The following GDNF variants were observed in gnomAD, a reference collection of about 807,000 sequenced individuals.
GDNF encodes the protein glial cell line-derived neurotrophic factor.
Under a neutral mutation model 13.7 loss-of-function variants are expected in GDNF, and 5 were observed. The observed-to-expected ratio is 0.36, with a 90% CI of 0.19 to 0.77. GDNF has a LOEUF of 0.77. GDNF is among the 30% of genes least tolerant of loss of function. The pLI is 0.51. For synonymous variants in GDNF, 122 were observed against 112.5 expected (o/e 1.08, Z -0.53); for missense variants, 246 against 274.3 (o/e 0.90, Z 0.73).
chr5:37,830,959 G>C (rs1346790983), intron 2 of GDNF, among the ~76,000 whole-genome samples: 4 of 152,282 alleles, frequency 2.6e-5, no homozygotes, highest in African/African-American at 9.6e-5. Context: ...GTGCCCCCCA[G>C]GGCAGAGACT....
At chr5:37,817,976 C>T (rs1749991441) in intron 2 of GDNF, among the ~76,000 whole-genome samples, 1 of 152,252 alleles carries the variant, frequency 6.6e-6, no homozygotes, top group African/African-American at 2.4e-5. Context: ...AAAGGCCCTA[C>T]CTGACCTGGC....
chr5:37,834,562 T>C (rs1750628557), intron 2 of GDNF, 84 bp downstream of exon 2: 3 of 1,235,912 alleles, frequency 2.4e-6, no homozygotes, highest in Non-Finnish European at 3.3e-6. Context: ...TCAGGCTGGC[T>C]TGGGGTACGT....
At chr5:37,836,368 C>G (rs952220190) in intron 1 of GDNF, among the ~76,000 whole-genome samples, 7 of 152,218 alleles carry the variant, frequency 4.6e-5, no homozygotes, top group East Asian at 1.9e-4. Context: ...CCCGGGGAAG[C>G]CTTTAATTCG....
chr5:37,816,057 C>G lies in GDNF; in HGVS notation c.230G>C (p.Arg77Thr). Residue 77 changes from arginine (R) to threonine (T), a missense_variant, in exon 3 of 3, where the codon AGG becomes ACG. By Grantham distance (71) the Arg-to-Thr change is moderately conservative (BLOSUM62 -1). Coordinates refer to ENST00000326524, the MANE Select transcript of GDNF (RefSeq NM_000514.4). ...CACTGCCATTTGTTTATCTGGTGAC[C>G]TTTTCAGTCTTTTAATGGTGGCTTG... ...FIQATIKRLK[R>T]SPDKQMAVLP... is the part of the protein sequence containing the mutation. 6.2e-7 allele frequency: 1 copy of G among 1,613,548 alleles called. No individual in the cohort carries two copies. Among genetic ancestry groups the G allele is most frequent in the South Asian group, 1.1e-5 (1 of 91,058 alleles).
At chr5:37,832,105 G>T (rs1344921498) in intron 2 of GDNF, among the ~76,000 whole-genome samples, 1 of 152,226 alleles carries the variant, frequency 6.6e-6, no homozygotes, top group Non-Finnish European at 1.5e-5. Context: ...AAAGGTGAGT[G>T]TGCAAACTGT....
rs34626556 is a variant in GDNF at position 37,817,604 on chromosome 5, AGT to A, written c.152-1471_152-1470del. 5.2e-3 allele frequency among the ~76,000 whole-genome samples: 774 copies of A among 149,534 alleles called. 8 individuals are homozygous for A. Among genetic ancestry groups the A allele is most frequent in the South Asian group, 0.014 (67 of 4,690 alleles). On this transcript the variant is annotated intron_variant, in intron 2 of 2. Transcript: ENST00000326524. ...AAGCAACTTAACCACGTGTGTGTAG[AGT>A]GTGTGTGTGTGTGTGTGTGTGTGTA...
chr5:37,832,876 C>A (rs1370385952), intron 2 of GDNF, among the ~76,000 whole-genome samples: 2 of 152,172 alleles, frequency 1.3e-5, no homozygotes, highest in Non-Finnish European at 1.5e-5. Flanking sequence ...CTTTAAAGTT[C>A]CCCAGGTGAC....
intron 2 of GDNF, among the ~76,000 whole-genome samples, chr5:37,820,945 AAAC>A (rs1317928430): frequency 1.5e-5 from 2 of 134,330 alleles, no homozygotes; most frequent in Non-Finnish European, 3.1e-5. Context: ...AAAATAGAAG[AAAC>A]AACAAAATTT....
intron 2 of GDNF, among the ~76,000 whole-genome samples, chr5:37,821,679 G>A (rs937069721): frequency 3.9e-5 from 6 of 152,100 alleles, no homozygotes; most frequent in Non-Finnish European, 8.8e-5. Flanking sequence ...TTGTACCGGG[G>A]CACAACTCTG....
intron 2 of GDNF, among the ~76,000 whole-genome samples, chr5:37,831,537 T>C (rs1316877400): frequency 6.6e-6 from 1 of 152,226 alleles, no homozygotes; most frequent in Non-Finnish European, 1.5e-5. Flanking sequence ...CACCATGGTC[T>C]AAATCATTAG....
chr5:37,835,953 C>T, intron 1 of GDNF: 1 of 465,770 alleles, frequency 2.1e-6, no homozygotes, highest in Non-Finnish European at 3.9e-6. Flanking sequence ...GAGGGCCACG[C>T]AGCTGGGGGT....
At chr5:37,823,268 T>G (rs1393472203) in intron 2 of GDNF, 1 of 152,216 alleles carries the variant, frequency 6.6e-6, no homozygotes, top group Non-Finnish European at 1.5e-5. Context: ...AAGTAAAAAC[T>G]CTACTACCAC....
At chr5:37,819,491 C>T (rs537856804) in intron 2 of GDNF, among the ~76,000 whole-genome samples, 7 of 134,040 alleles carry the variant, frequency 5.2e-5, no homozygotes, top group East Asian at 2.2e-4. Flanking sequence ...TCACTCTTGT[C>T]GCCCAGGCTG....
Position 37,834,674 on chromosome 5 carries a change from G to A in GDNF, c.123C>T (p.Arg41=). ...CACTGCTCAGCGCGAAGGGCGCGCG[G>A]CGGCGGCCGAGGGAGCGGTCTTCGG... is the stretch of plus-strand genomic sequence containing the variant. The part of the protein sequence containing the change: ...APAEDRSLGR[R]RAPFALSSDS... The change falls in exon 2 of 3, where the codon CGC becomes CGT. Residue 41 remains arginine, a synonymous_variant. Transcript: ENST00000326524. 1.2e-6 allele frequency: 2 copies of A among 1,605,524 alleles called. No individual in the cohort carries two copies. The highest frequency in any genetic ancestry group is 1.7e-6 in the Non-Finnish European group (2 of 1,176,174).
At chr5:37,834,091 AC>A (rs1386051459) in intron 2 of GDNF, among the ~76,000 whole-genome samples, 3 of 152,224 alleles carry the variant, frequency 2.0e-5, no homozygotes, top group African/African-American at 7.2e-5. Context: ...GAACAGAGGA[AC>A]TTTTCTGAAC....
In GDNF at chr5:37,828,539, CAA is replaced by C. The variant is rs376842537; in HGVS notation, c.151+6105_151+6106del. Among the ~76,000 whole-genome samples, 475 of 152,254 alleles carry C rather than the reference CAA, an allele frequency of 3.1e-3. 1 individual carries two copies. The highest frequency in any genetic ancestry group is 0.011 in the African/African-American group (451 of 41,562). ...TTAGTGAGTGCATTTTTAAGCAAGC[CAA>C]AGTCTATATTTTCTTAATTCACTAA... On this transcript the variant is annotated intron_variant, in intron 2 of 2. Transcript: ENST00000326524.
intron 2 of GDNF, among the ~76,000 whole-genome samples, chr5:37,821,375 T>A (rs968595482): frequency 7.2e-5 from 11 of 152,290 alleles, no homozygotes; most frequent in South Asian, 4.1e-4. Context: ...ATGTCAGATA[T>A]GCAAATGACC....
At chr5:37,822,187 G>A (rs952892926) in intron 2 of GDNF, among the ~76,000 whole-genome samples, 2 of 152,194 alleles carry the variant, frequency 1.3e-5, no homozygotes, top group African/African-American at 4.8e-5. Context: ...AGGGACCCAG[G>A]AGAGAGGGGG....
Position 37,815,583 on chromosome 5 carries a change from T to C in GDNF, c.*68A>G. 1 of 1,478,434 alleles carries C rather than the reference T, an allele frequency of 6.8e-7. No homozygotes were observed. The highest frequency in any genetic ancestry group is 9.4e-7 in the Non-Finnish European group (1 of 1,059,964). The allele number at this position is 1,478,434 out of a possible 1,614,324, so 91.6% of individuals were successfully genotyped here. A position where few individuals can be genotyped will look rare whatever the true frequency, so the allele number is the denominator to read the frequency against. ...TCTTCCATTCTGGGCAAACATTTCCTGGGAACCTTGGTCCCTTTCTTTGCA... is the reference window on the plus strand; with the variant it reads ...TCTTCCATTCTGGGCAAACATTTCCCGGGAACCTTGGTCCCTTTCTTTGCA... On this transcript the variant is annotated 3_prime_UTR_variant, in exon 3 of 3. Coordinates refer to ENST00000326524, the MANE Select transcript of GDNF (RefSeq NM_000514.4). The surrounding 1 kb of genome is among the most constrained non-coding windows in gnomAD (Gnocchi z 5.0).
Sources: gnomAD v4.1 joint callset for allele counts (sites outside exome capture counted in the v4.1 genomes callset) on GRCh38, gnomAD v4.1.1 for gene constraint, Gnocchi (gnomAD v3.1) non-coding constraint, MANE v1.5 for transcripts, NCBI Gene and HGNC (gene_info 2026-07-23, HGNC 2026-07-21) for gene names.